KLHL1: variants seen among roughly 807,000 people sequenced by gnomAD.
KLHL1 encodes the protein kelch like family member 1.
KLHL1 carries 47 observed loss-of-function variants against 77.7 expected under a neutral mutation model. The ratio of observed to expected loss-of-function variants is 0.60; its 90% CI spans 0.48 to 0.77. The LOEUF (loss-of-function observed/expected upper bound fraction) is 0.77. Among genes scored for constraint, KLHL1 ranks in the 30% least tolerant of loss-of-function variants. KLHL1 has a pLI of 0.00. For missense variants in KLHL1, 925 were observed against 910.8 expected, an observed-to-expected ratio of 1.02 and a Z score of -0.20; for synonymous variants, 360 against 325.2, an observed-to-expected ratio of 1.11 and a Z score of -1.15.
At chr13:69,898,260 A>G (rs1235758097) in intron 4 of KLHL1, among the ~76,000 whole-genome samples, 1 of 152,184 alleles carries the variant, frequency 6.6e-6, no homozygotes, top group Non-Finnish European at 1.5e-5. Context: ...CTAAGGATGA[A>G]ATGTAGAGCC....
intron 1 of KLHL1, among the ~76,000 whole-genome samples, chr13:70,076,261 T>C (rs899998547): frequency 4.6e-5 from 7 of 151,464 alleles, no homozygotes; most frequent in African/African-American, 1.7e-4. Flanking sequence ...ATCAAGAGAG[T>C]GTAGTACTGG....
At position 70,107,159 on chromosome 13, in the gene KLHL1, G is replaced by A. The variant is rs371403302; in HGVS notation, c.497+44C>T. ...CATGAGCACACGCGGTGAAATGAGTGGAAATTGAGAGATGCTTGGAAGCCC... is the reference window on the plus strand; with the variant it reads ...CATGAGCACACGCGGTGAAATGAGTAGAAATTGAGAGATGCTTGGAAGCCC... On this transcript the variant is annotated intron_variant, in intron 1 of 10. Transcript: ENST00000377844. 2.1e-5 allele frequency: 33 copies of A among 1,538,100 alleles called. No homozygotes were observed. The African/African-American group carries it at 4.3e-4, about 20-fold the overall frequency.
chr13:70,081,615 T>C (rs935276357), intron 1 of KLHL1, among the ~76,000 whole-genome samples: 2 of 152,296 alleles, frequency 1.3e-5, no homozygotes, highest in South Asian at 4.1e-4. Flanking sequence ...TCTTCCAATC[T>C]ACAAATGGAG....
chr13:69,733,919 TAGTC>T (rs1280658051), intron 8 of KLHL1, among the ~76,000 whole-genome samples: 1 of 152,212 alleles, frequency 6.6e-6, no homozygotes, highest in African/African-American at 2.4e-5. Context: ...TTATTCTTAA[TAGTC>T]AAGAAGAGGA....
At chr13:69,847,824 A>G (rs1879530278) in intron 5 of KLHL1, among the ~76,000 whole-genome samples, 1 of 151,546 alleles carries the variant, frequency 6.6e-6, no homozygotes, top group Non-Finnish European at 1.5e-5. Context: ...TGACAGTTTC[A>G]TAGCTTGCCT....
intron 7 of KLHL1, among the ~76,000 whole-genome samples, chr13:69,785,919 A>C (rs1876516349): frequency 1.3e-5 from 2 of 152,182 alleles, no homozygotes; most frequent in Admixed American, 6.5e-5. Flanking sequence ...GAAATGGATA[A>C]ATTCCTCGAC....
chr13:70,104,773 C>T (rs993046822), intron 1 of KLHL1, among the ~76,000 whole-genome samples: 1 of 152,028 alleles, frequency 6.6e-6, no homozygotes, highest in Non-Finnish European at 1.5e-5. Context: ...CACCATGTAG[C>T]TTTTCTGGAT....
chr13:69,764,658 C>G (rs1875182728), intron 7 of KLHL1, among the ~76,000 whole-genome samples: 1 of 152,026 alleles, frequency 6.6e-6, no homozygotes, highest in Admixed American at 6.6e-5. Flanking sequence ...TAGACACTTC[C>G]TGCTCAATGA....
chr13:69,830,045 A>G lies in KLHL1; in HGVS notation c.1414+8931T>C, dbSNP rs547189076. 1.9e-4 allele frequency among the ~76,000 whole-genome samples: 28 copies of G among 149,016 alleles called. 2 individuals are homozygous for G. In the South Asian group the frequency reaches 2.3e-3, roughly 12 times the overall value. ...GCTTATAAAACAATAATACAGTGGGAAAAAAAAAGAAGGTATTCAGGCAAA... is the reference window on the plus strand; with the variant it reads ...GCTTATAAAACAATAATACAGTGGGGAAAAAAAAGAAGGTATTCAGGCAAA... On this transcript the variant is annotated intron_variant, in intron 6 of 10. Transcript: ENST00000377844.
chr13:69,729,536 A>C (rs1873448771), intron 8 of KLHL1, among the ~76,000 whole-genome samples: 1 of 152,090 alleles, frequency 6.6e-6, no homozygotes, highest in Non-Finnish European at 1.5e-5. Context: ...ACGTCAGCAG[A>C]GGTGAGGAAA....
At chr13:69,908,793 T>A (rs1188673549) in intron 4 of KLHL1, among the ~76,000 whole-genome samples, 2 of 151,420 alleles carry the variant, frequency 1.3e-5, no homozygotes, top group African/African-American at 4.8e-5. Flanking sequence ...AATTCCTTTT[T>A]TATCAATATT....
At chr13:70,019,458 T>A (rs1885736874) in intron 1 of KLHL1, among the ~76,000 whole-genome samples, 1 of 132,820 alleles carries the variant, frequency 7.5e-6, no homozygotes, top group Admixed American at 7.7e-5. Context: ...AGGCAGGTAC[T>A]ATTATTTGCT....
chr13:69,888,674 G>A (rs1446827689), intron 4 of KLHL1, among the ~76,000 whole-genome samples: 1 of 151,958 alleles, frequency 6.6e-6, no homozygotes, highest in Non-Finnish European at 1.5e-5. Context: ...ACATGACCCT[G>A]TGGATAATAT....
At chr13:70,044,631 A>C (rs2137383713) in intron 1 of KLHL1, among the ~76,000 whole-genome samples, 1 of 152,312 alleles carries the variant, frequency 6.6e-6, no homozygotes, top group African/African-American at 2.4e-5. Context: ...TCTCCAATGT[A>C]TAAACAAATG....
intron 4 of KLHL1, among the ~76,000 whole-genome samples, chr13:69,934,969 T>TATATATATATATATATAC (rs1647435927): frequency 2.1e-5 from 1 of 48,570 alleles, no homozygotes; most frequent in African/African-American, 6.5e-5. Context: ...TGTGTATATA[T>TATATATATATATATATAC]ATATATATAT....
intron 1 of KLHL1, among the ~76,000 whole-genome samples, chr13:70,065,052 C>T (rs1792556932): frequency 6.6e-6 from 1 of 152,018 alleles, no homozygotes; most frequent in Non-Finnish European, 1.5e-5. Flanking sequence ...TTTGGCAAGT[C>T]GATAGGTCAT....
intron 7 of KLHL1, among the ~76,000 whole-genome samples, chr13:69,794,164 G>T (rs1193136766): frequency 1.3e-5 from 2 of 152,128 alleles, no homozygotes; most frequent in African/African-American, 4.8e-5. Flanking sequence ...GAGGATTTAT[G>T]TGCAAATGGA....
rs1593878642 is a variant in KLHL1 at position 69,841,418 on chromosome 13, T to G, written c.1228-2256A>C. 2.7e-5 allele frequency among the ~76,000 whole-genome samples: 4 copies of G among 150,540 alleles called. No individual in the cohort carries two copies. In the South Asian group the frequency reaches 8.3e-4, roughly 31 times the overall value. ...AGTGTTTCTTGTTTCTATATGCTAA[T>G]AACAATCTAGTTGAGAAAAAAAAAC... On this transcript the variant is annotated intron_variant, in intron 5 of 10. Transcript: ENST00000377844.
At chr13:69,946,928 T>A (rs2482575) in intron 3 of KLHL1, among the ~76,000 whole-genome samples, 2 of 150,906 alleles carry the variant, frequency 1.3e-5, no homozygotes, top group African/African-American at 4.9e-5. Context: ...TTACTTTCAA[T>A]GGGAAAATTG....
Sources: allele counts gnomAD v4.1 joint callset (sites outside exome capture counted in the v4.1 genomes callset), GRCh38; gene constraint gnomAD v4.1.1; transcripts MANE v1.5; gene names NCBI Gene and HGNC (gene_info 2026-07-23, HGNC 2026-07-21).